Variants in PTK2B observed in about 807,000 individuals in gnomAD.
PTK2B encodes protein-tyrosine kinase 2-beta.
Under a neutral mutation model 142.9 loss-of-function variants are expected in PTK2B, and 71 were observed. The observed-to-expected ratio is 0.50, with a 90% CI of 0.41 to 0.61. PTK2B has a LOEUF of 0.61. Among genes scored for constraint, PTK2B ranks in the 20% least tolerant of loss-of-function variants. The pLI is 0.00. For synonymous variants in PTK2B, 519 were observed against 503.4 expected (o/e 1.03, Z -0.42); for missense variants, 1,105 against 1,320.4 (o/e 0.84, Z 2.53).
chr8:27,359,080 T>G (rs902250898), intron 1 of PTK2B, among the ~76,000 whole-genome samples: 1 of 152,200 alleles, frequency 6.6e-6, no homozygotes, highest in African/African-American at 2.4e-5. Flanking sequence ...TCTTGGACTT[T>G]GCATACCTTC....
rs530926441 is a variant in PTK2B at position 27,450,970 on chromosome 8, A to G, written c.2488-73A>G. ...TTCCACCTCCCCAGGTGGCTGGGGC[A>G]AGGGTCCCCTGCATTCTTGGTGCTT... On this transcript the variant is annotated intron_variant, in intron 25 of 30. Coordinates refer to ENST00000346049, the MANE Select transcript of PTK2B (RefSeq NM_173176.3). 1.9e-5 allele frequency: 30 copies of G among 1,611,054 alleles called. No individual in the cohort carries two copies. In the South Asian group the frequency reaches 3.1e-4, roughly 17 times the overall value.
upstream of PTK2B, among the ~76,000 whole-genome samples, chr8:27,320,979 G>GTTTTTTT (rs1257774872): frequency 3.1e-5 from 1 of 32,658 alleles, no homozygotes; most frequent in African/African-American, 1.0e-4. Flanking sequence ...CATACAAAAG[G>GTTTTTTT]CTTTTTTTTT....
At chr8:27,432,153 A>G in intron 9 of PTK2B, 107 bp from the exon 10 acceptor site, 1 of 912,286 alleles carries the variant, frequency 1.1e-6, no homozygotes, top group Non-Finnish European at 1.7e-6. Context: ...TTCATCTCCC[A>G]GAGAAACTCC....
At chr8:27,422,419 G>A (rs770515784) in intron 5 of PTK2B, 36 bp downstream of exon 5, 5 of 1,560,936 alleles carry the variant, frequency 3.2e-6, no homozygotes, top group Admixed American at 1.8e-5. Context: ...GGAGGGCGCT[G>A]TGCTGAGCTC....
intron 2 of PTK2B, among the ~76,000 whole-genome samples, chr8:27,402,235 A>G (rs1808426925): frequency 6.6e-6 from 1 of 151,962 alleles, no homozygotes; most frequent in African/African-American, 2.4e-5. Context: ...AGATTCACGA[A>G]TGAGGAAGAG....
chr8:27,370,559 G>A (rs17057055), intron 1 of PTK2B, among the ~76,000 whole-genome samples: 4,864 of 152,222 alleles, frequency 0.032, 263 homozygotes, highest in African/African-American at 0.11. Context: ...TTTCCCTTTT[G>A]TAAAATATGC....
intron 11 of PTK2B, 122 bp downstream of exon 11, chr8:27,433,674 GC>G: frequency 1.1e-6 from 1 of 878,476 alleles, no homozygotes; most frequent in Non-Finnish European, 1.8e-6. Flanking sequence ...TTCCCCCACA[GC>G]CCAGCGGGAA....
intron 1 of PTK2B, among the ~76,000 whole-genome samples, chr8:27,385,887 C>T (rs1484453464): frequency 1.1e-4 from 9 of 82,420 alleles, no homozygotes; most frequent in Admixed American, 9.2e-4. Context: ...AGTGAGATTC[C>T]GTCTCAAAAA....
At chr8:27,439,920 C>G (rs1424165403) in intron 20 of PTK2B, among the ~76,000 whole-genome samples, 2 of 152,170 alleles carry the variant, frequency 1.3e-5, no homozygotes, top group African/African-American at 4.8e-5. Flanking sequence ...CCATTTCCAG[C>G]TTTACTAAGG....
intron 1 of PTK2B, among the ~76,000 whole-genome samples, chr8:27,367,914 T>G (rs904438346): frequency 2.6e-5 from 4 of 152,188 alleles, no homozygotes; most frequent in Non-Finnish European, 5.9e-5. Flanking sequence ...CCTCCCACAC[T>G]GGGAATCACA....
At chr8:27,421,422 G>T (rs1387972727) in intron 4 of PTK2B, among the ~76,000 whole-genome samples, 1 of 152,094 alleles carries the variant, frequency 6.6e-6, no homozygotes, top group Non-Finnish European at 1.5e-5. Context: ...CACCCAAGCA[G>T]TGTGCACTGT....
At chr8:27,432,141 T>G (rs537717208) in intron 9 of PTK2B, 119 bp from the exon 10 acceptor site, 2 of 830,070 alleles carry the variant, frequency 2.4e-6, no homozygotes, top group African/African-American at 1.7e-5. Context: ...TTTGATTCTC[T>G]CTTCATCTCC....
At position 27,397,591 on chromosome 8, in the gene PTK2B, G is replaced by A. The variant is rs1229614471; in HGVS notation, c.7G>A (p.Gly3Arg). The change falls in exon 2 of 31, where the codon GGG (glycine) becomes AGG (arginine). Residue 3 changes from glycine (G) to arginine (R), a missense_variant. By Grantham distance (125) the Gly-to-Arg change is moderately radical. Transcript: ENST00000346049. Reference protein sequence around the residue: MSGVSEPLSRVKL... With the variant: MSRVSEPLSRVKL... ...TTAGCTGCTGCCTGAGAGGATGTCT[G>A]GGGTGTCCGAGCCCCTGAGTCGAGT... 6.2e-7 allele frequency: 1 copy of A among 1,613,462 alleles called. No individual in the cohort carries two copies. Among genetic ancestry groups the A allele is most frequent in the Admixed American group, 1.7e-5 (1 of 60,010 alleles).
intron 1 of PTK2B, among the ~76,000 whole-genome samples, chr8:27,376,714 C>G (rs564749603): frequency 6.6e-6 from 1 of 152,322 alleles, no homozygotes; most frequent in East Asian, 1.9e-4. Flanking sequence ...AGTGCCACGA[C>G]AGTTTACAAA....
At position 27,419,898 on chromosome 8, in the gene PTK2B, A is replaced by C; in HGVS notation, c.208A>C (p.Ile70Leu). 6.2e-7 allele frequency: 1 copy of C among 1,614,044 alleles called. No individual in the cohort carries two copies. The highest frequency in any genetic ancestry group is 8.5e-7 in the Non-Finnish European group (1 of 1,180,002). Reference sequence around the variant, plus strand: ...GCCTCTCTCTTCTCCTCTGCAGGAGATCATCACCTCCATCCTGCTGAGCGG... The same window carrying C: ...GCCTCTCTCTTCTCCTCTGCAGGAGCTCATCACCTCCATCCTGCTGAGCGG... ...KCTVQTEIREIITSILLSGRI... is the reference protein window; with the variant it reads ...KCTVQTEIRELITSILLSGRI... The change falls in exon 3 of 31, where the codon ATC (isoleucine) becomes CTC (leucine). Residue 70 changes from isoleucine to leucine, a missense_variant. By Grantham distance (5) the Ile-to-Leu change is conservative (BLOSUM62 2). Transcript: ENST00000346049.
At chr8:27,337,062 A>T (rs999629567) in intron 1 of PTK2B, among the ~76,000 whole-genome samples, 1 of 151,250 alleles carries the variant, frequency 6.6e-6, no homozygotes, top group African/African-American at 2.4e-5. Context: ...TACAATTCAC[A>T]TACCGTAAAA....
chr8:27,386,879 G>GT (rs574920006), intron 1 of PTK2B, among the ~76,000 whole-genome samples: 392 of 141,972 alleles, frequency 2.8e-3, no homozygotes, highest in Middle Eastern at 3.6e-3. Flanking sequence ...AGTACCTGAG[G>GT]TTTTTTTTTT....
At chr8:27,449,864 A>G (rs1045741090) in intron 24 of PTK2B, among the ~76,000 whole-genome samples, 3 of 152,236 alleles carry the variant, frequency 2.0e-5, no homozygotes, top group Non-Finnish European at 4.4e-5. Context: ...TTAAAGCAAG[A>G]GTTAGATTAC....
intron 1 of PTK2B, among the ~76,000 whole-genome samples, chr8:27,327,064 G>A (rs186759212): frequency 6.6e-6 from 1 of 152,276 alleles, no homozygotes; most frequent in African/African-American, 2.4e-5. Flanking sequence ...AGAGCTGAAG[G>A]ATGACTAGAA....
Sources: gnomAD v4.1 joint callset for allele counts (sites outside exome capture counted in the v4.1 genomes callset) on GRCh38, gnomAD v4.1.1 for gene constraint, MANE v1.5 for transcripts, NCBI Gene and HGNC (gene_info 2026-07-23, HGNC 2026-07-21) for gene names.